Variants in TSPEAR observed in about 807,000 individuals in gnomAD.
TSPEAR encodes the protein thrombospondin type laminin G domain and EAR repeats.
A neutral mutation model predicts 71.6 loss-of-function variants in TSPEAR; 69 were observed. The ratio of observed to expected loss-of-function variants is 0.96; its 90% CI spans 0.79 to 1.18. TSPEAR has a LOEUF of 1.18. TSPEAR is among the 50% of genes most tolerant of loss of function. The pLI is 0.00. For synonymous variants in TSPEAR, 402 were observed against 387.2 expected, an observed-to-expected ratio of 1.04 and a Z score of -0.45; for missense variants, 971 against 894.9, an observed-to-expected ratio of 1.09 and a Z score of -1.09.
chr21:44,624,991 C>T (rs1982676226), intron 1 of TSPEAR, among the ~76,000 whole-genome samples: 3 of 152,214 alleles, frequency 2.0e-5, no homozygotes, highest in Admixed American at 6.5e-5. Context: ...AGTCTGATGT[C>T]AGCCAATTCC....
intron 11 of TSPEAR, among the ~76,000 whole-genome samples, chr21:44,503,777 G>C (rs1158162005): frequency 7.5e-6 from 1 of 132,968 alleles, no homozygotes; most frequent in Non-Finnish European, 1.6e-5. Flanking sequence ...GGGAAGCAAG[G>C]CTCTGGGAGG....
chr21:44,634,878 C>A, intron 1 of TSPEAR, among the ~76,000 whole-genome samples: 1 of 152,014 alleles, frequency 6.6e-6, no homozygotes, highest in South Asian at 2.1e-4. Flanking sequence ...TGAAGAGAAA[C>A]TGGAATGTTT....
At position 44,527,524 on chromosome 21, in the gene TSPEAR, G is replaced by A. The variant is rs1341805831; in HGVS notation, c.923-6C>T. 6.2e-7 allele frequency: 1 copy of A among 1,613,500 alleles called. No individual in the cohort carries two copies. The highest frequency in any genetic ancestry group is 8.5e-7 in the Non-Finnish European group (1 of 1,179,544). ...GTAGTCCAGTCTTTCTTTGGCTTGTGATAGAAACGTTGTGACTCGGTTAAG... is the reference window on the plus strand; with the variant it reads ...GTAGTCCAGTCTTTCTTTGGCTTGTAATAGAAACGTTGTGACTCGGTTAAG... On this transcript the variant is annotated splice_region_variant and splice_polypyrimidine_tract_variant and intron_variant, in intron 6 of 11. Transcript: ENST00000323084.
chr21:44,607,377 A>G (rs1393194427), intron 1 of TSPEAR, among the ~76,000 whole-genome samples: 1 of 152,188 alleles, frequency 6.6e-6, no homozygotes, highest in African/African-American at 2.4e-5. Context: ...ATCTTTCTAC[A>G]ATGCATGCAC....
At chr21:44,553,788 C>T (rs996529015) in intron 2 of TSPEAR, among the ~76,000 whole-genome samples, 4 of 152,052 alleles carry the variant, frequency 2.6e-5, no homozygotes, top group Non-Finnish European at 5.9e-5. Context: ...ACAGGCAAGA[C>T]GAATAATACA....
intron 1 of TSPEAR, among the ~76,000 whole-genome samples, chr21:44,604,656 G>A (rs73907048): frequency 0.033 from 5,095 of 152,292 alleles, 264 homozygotes; most frequent in African/African-American, 0.11. Context: ...GGGCATCCTT[G>A]CCTTGTTTTT....
chr21:44,626,401 G>T (rs1982781028), intron 1 of TSPEAR, among the ~76,000 whole-genome samples: 1 of 152,246 alleles, frequency 6.6e-6, no homozygotes, highest in South Asian at 2.1e-4. Context: ...TGCTTGCAGT[G>T]CAGGGCACAC....
intron 2 of TSPEAR, among the ~76,000 whole-genome samples, chr21:44,555,555 T>G (rs1280361470): frequency 6.6e-6 from 1 of 152,192 alleles, no homozygotes; most frequent in Non-Finnish European, 1.5e-5. Context: ...CTAGGCCAGC[T>G]GGCCAAGGGC....
At chr21:44,683,298 GAACA>G (rs145463303) in intron 1 of TSPEAR, among the ~76,000 whole-genome samples, 70,102 of 151,530 alleles carry the variant, frequency 0.46, 16,278 homozygotes, top group South Asian at 0.55. Context: ...CTGACGGCTA[GAACA>G]AAAATCAGAA....
chr21:44,649,704 G>T (rs1046030020), intron 1 of TSPEAR, among the ~76,000 whole-genome samples: 2 of 152,212 alleles, frequency 1.3e-5, no homozygotes, highest in African/African-American at 4.8e-5. Context: ...TTCAATGCCT[G>T]GATGGGAGCC....
intron 2 of TSPEAR, chr21:44,539,956 G>T: frequency 1.2e-6 from 2 of 1,613,546 alleles, no homozygotes; most frequent in Non-Finnish European, 1.7e-6. Flanking sequence ...ATTGGCAGGG[G>T]CTGGGCTCAC....
intron 2 of TSPEAR, among the ~76,000 whole-genome samples, chr21:44,566,141 C>G (rs2053700268): frequency 6.6e-6 from 1 of 152,198 alleles, no homozygotes; most frequent in African/African-American, 2.4e-5. Context: ...GATTGCACCA[C>G]TGCATTCCAG....
intron 1 of TSPEAR, chr21:44,677,658 T>C: frequency 7.7e-7 from 1 of 1,304,614 alleles, no homozygotes; most frequent in Non-Finnish European, 1.1e-6. Flanking sequence ...CAACACTGTA[T>C]CACCTGCGGT....
chr21:44,610,489 C>T (rs782309107), intron 1 of TSPEAR, among the ~76,000 whole-genome samples: 3 of 152,214 alleles, frequency 2.0e-5, no homozygotes, highest in East Asian at 1.9e-4. Context: ...TGGGAACCTC[C>T]GCCTAGATTT....
intron 1 of TSPEAR, among the ~76,000 whole-genome samples, chr21:44,589,394 T>TA (rs1555926108): frequency 6.6e-6 from 1 of 152,196 alleles, no homozygotes; most frequent in Non-Finnish European, 1.5e-5. Context: ...CTGTTGTCAG[T>TA]CATGCTGTGT....
chr21:44,698,075 C>T, intron 1 of TSPEAR: 1 of 1,092,444 alleles, frequency 9.2e-7, no homozygotes, highest in South Asian at 1.6e-5. Flanking sequence ...GAGATGCGTG[C>T]ACAGCCTCTC....
intron 2 of TSPEAR, chr21:44,550,473 G>A (rs2053391280): frequency 4.0e-6 from 3 of 755,676 alleles, no homozygotes; most frequent in East Asian, 2.7e-5. Flanking sequence ...GAGGGTTGTG[G>A]TCTGCAGCCA....
Position 44,612,828 on chromosome 21 carries a change from C to A in TSPEAR, c.83-44823G>T, listed in dbSNP as rs1336595468. 4 of 1,612,916 alleles carry A rather than the reference C, an allele frequency of 2.5e-6. No homozygotes were observed. The highest frequency in any genetic ancestry group is 3.4e-6 in the Non-Finnish European group (4 of 1,179,818). Reference sequence around the variant, plus strand: ...TGCCAGCCCAGCTGCTGCCACCCGGCCTCCTGCCTGTCCTTCCTCTGCCGC... The same window carrying A: ...TGCCAGCCCAGCTGCTGCCACCCGGACTCCTGCCTGTCCTTCCTCTGCCGC... On this transcript the variant is annotated intron_variant, in intron 1 of 11. Coordinates refer to ENST00000323084, the MANE Select transcript of TSPEAR (RefSeq NM_144991.3). This position sits in a 1 kb window ranked among gnomAD's most constrained non-coding sequence, Gnocchi z 4.1.
chr21:44,653,374 C>T (rs909668497), intron 1 of TSPEAR, among the ~76,000 whole-genome samples: 1 of 152,118 alleles, frequency 6.6e-6, no homozygotes, highest in African/African-American at 2.4e-5. Context: ...AGCTGAAACC[C>T]GGGGCGGAGC....
Sources: gnomAD v4.1 joint callset for allele counts (sites outside exome capture counted in the v4.1 genomes callset) on GRCh38, gnomAD v4.1.1 for gene constraint, Gnocchi (gnomAD v3.1) non-coding constraint, MANE v1.5 for transcripts, NCBI Gene and HGNC (gene_info 2026-07-23, HGNC 2026-07-21) for gene names.